MITF: variants seen among roughly 807,000 people sequenced by gnomAD.
The protein encoded by MITF is melanocyte inducing transcription factor.
MITF carries 17 observed loss-of-function variants against 60.5 expected under a neutral mutation model. The observed-to-expected ratio is 0.28, with a 90% confidence interval of 0.19 to 0.42. MITF has a LOEUF of 0.42. MITF is among the 10% of genes least tolerant of loss of function. MITF has a pLI of 1.00. For synonymous variants in MITF, 260 were observed against 248.5 expected, an observed-to-expected ratio of 1.05 and a Z score of -0.43; for missense variants, 622 against 683.5, an observed-to-expected ratio of 0.91 and a Z score of 1.00.
intron 1 of MITF, among the ~76,000 whole-genome samples, chr3:69,868,755 C>G (rs919938657): frequency 2.0e-5 from 3 of 151,926 alleles, no homozygotes; most frequent in Non-Finnish European, 4.4e-5. Flanking sequence ...AAAAATTAGC[C>G]AGGCATGGTG....
At chr3:69,963,128 A>G (rs1178466785) in intron 9 of MITF, among the ~76,000 whole-genome samples, 1 of 152,194 alleles carries the variant, frequency 6.6e-6, no homozygotes, top group Non-Finnish European at 1.5e-5. Flanking sequence ...ATCTCCAAAT[A>G]CAGTCACATT....
At chr3:69,758,171 T>C (rs1357772877) in intron 1 of MITF, among the ~76,000 whole-genome samples, 2 of 151,072 alleles carry the variant, frequency 1.3e-5, no homozygotes, top group African/African-American at 4.9e-5. Flanking sequence ...TATATTTCAT[T>C]TTATTTACTT....
chr3:69,748,494 G>C (rs1703814310), intron 1 of MITF, among the ~76,000 whole-genome samples: 1 of 152,166 alleles, frequency 6.6e-6, no homozygotes, highest in South Asian at 2.1e-4. Context: ...ACCTGCCTTG[G>C]CCTCCCAAAG....
At chr3:69,812,626 A>G (rs1655245739) in intron 1 of MITF, among the ~76,000 whole-genome samples, 1 of 152,136 alleles carries the variant, frequency 6.6e-6, no homozygotes. Context: ...TCAGTTTTTC[A>G]AATATATATT....
At chr3:69,771,865 G>T (rs192029005) in intron 1 of MITF, among the ~76,000 whole-genome samples, 144 of 152,284 alleles carry the variant, frequency 9.5e-4, no homozygotes, top group African/African-American at 3.4e-3. Flanking sequence ...CGCGATGCAT[G>T]CTTGATGCAT....
intron 1 of MITF, among the ~76,000 whole-genome samples, chr3:69,827,532 T>G (rs2163326): frequency 0.15 from 23,545 of 152,132 alleles, 2,100 homozygotes; most frequent in Non-Finnish European, 0.21. Context: ...CATATGTCAC[T>G]TGTACTCACA....
chr3:69,750,391 T>G (rs1403064710), intron 1 of MITF, among the ~76,000 whole-genome samples: 4 of 151,634 alleles, frequency 2.6e-5, no homozygotes, highest in Non-Finnish European at 5.9e-5. Flanking sequence ...TCCTTTTTTT[T>G]TTTTTTTTTT....
intron 1 of MITF, among the ~76,000 whole-genome samples, chr3:69,765,647 C>A (rs2062278985): frequency 6.6e-6 from 1 of 152,172 alleles, no homozygotes; most frequent in Non-Finnish European, 1.5e-5. Context: ...GTGACTGATT[C>A]TTTGCTGTTA....
chr3:69,924,472 A>C (rs1330236996), intron 2 of MITF, among the ~76,000 whole-genome samples: 1 of 152,228 alleles, frequency 6.6e-6, no homozygotes, highest in Non-Finnish European at 1.5e-5. Flanking sequence ...CATAAAAATA[A>C]AATATCAAAT....
chr3:69,816,003 A>G (rs1193731251), intron 1 of MITF, among the ~76,000 whole-genome samples: 2 of 152,156 alleles, frequency 1.3e-5, no homozygotes, highest in African/African-American at 2.4e-5. Context: ...CCTGGTGTTT[A>G]AAGAAGTCTC....
At chr3:69,916,133 T>C (rs2065328874) in intron 2 of MITF, among the ~76,000 whole-genome samples, 1 of 152,238 alleles carries the variant, frequency 6.6e-6, no homozygotes, top group Non-Finnish European at 1.5e-5. Flanking sequence ...TTCCTATTCA[T>C]ATGTTTTTAC....
chr3:69,822,691 C>T (rs1383180623), intron 1 of MITF, among the ~76,000 whole-genome samples: 2 of 152,212 alleles, frequency 1.3e-5, no homozygotes, highest in African/African-American at 4.8e-5. Flanking sequence ...TTGAACTGCA[C>T]TATGGAATGG....
chr3:69,911,032 CAT>C (rs779624458), intron 2 of MITF, among the ~76,000 whole-genome samples: 19 of 152,082 alleles, frequency 1.2e-4, no homozygotes, highest in Non-Finnish European at 2.2e-4. Flanking sequence ...AGAATTCCCA[CAT>C]GTTGTGGCAG....
chr3:69,953,359 T>C (rs2107522996), intron 7 of MITF, among the ~76,000 whole-genome samples: 1 of 152,112 alleles, frequency 6.6e-6, no homozygotes, highest in Non-Finnish European at 1.5e-5. Context: ...AAGGTCAAGG[T>C]TGTCAGTAAA....
intron 2 of MITF, among the ~76,000 whole-genome samples, chr3:69,937,584 C>T (rs1006868231): frequency 6.6e-6 from 1 of 152,024 alleles, no homozygotes; most frequent in African/African-American, 2.4e-5. Flanking sequence ...TTGAAAGAGA[C>T]GTATAGTTAA....
intron 1 of MITF, among the ~76,000 whole-genome samples, chr3:69,830,772 G>A (rs1054350106): frequency 6.6e-6 from 1 of 152,158 alleles, no homozygotes; most frequent in African/African-American, 2.4e-5. Context: ...CCAACATGGA[G>A]CTTAAATTTG....
chr3:69,883,595 T>C (rs192723375), intron 2 of MITF, among the ~76,000 whole-genome samples: 2 of 152,154 alleles, frequency 1.3e-5, no homozygotes, highest in Non-Finnish European at 1.5e-5. Flanking sequence ...GGGCTACAGA[T>C]TGGCAAAAGG....
chr3:69,759,545 A>G (rs1313268464), intron 1 of MITF, among the ~76,000 whole-genome samples: 4 of 152,176 alleles, frequency 2.6e-5, no homozygotes, highest in Non-Finnish European at 5.9e-5. Context: ...GAGAATGTTG[A>G]TTTTGGGTTT....
intron 2 of MITF, among the ~76,000 whole-genome samples, chr3:69,921,071 T>C (rs889373717): frequency 1.3e-5 from 2 of 152,202 alleles, no homozygotes; most frequent in African/African-American, 4.8e-5. Context: ...GGTTTCACCA[T>C]GTTGGCCAGA....
Sources: gnomAD v4.1 joint callset for allele counts (sites outside exome capture counted in the v4.1 genomes callset) on GRCh38, gnomAD v4.1.1 for gene constraint, MANE v1.5 for transcripts, NCBI Gene and HGNC (gene_info 2026-07-23, HGNC 2026-07-21) for gene names.